IMMP2L: variants seen among roughly 807,000 people sequenced by gnomAD.
The protein encoded by IMMP2L is mitochondrial inner membrane protease subunit 2.
A neutral mutation model predicts 19.3 loss-of-function variants in IMMP2L; 18 were observed. That is an observed-to-expected ratio of 0.93 (90% CI 0.64 to 1.38). The LOEUF is 1.38. Ranked by LOEUF, IMMP2L falls within the 40% of genes most tolerant of loss-of-function variation. IMMP2L has a pLI of 0.00. For missense variants in IMMP2L, 233 were observed against 218.2 expected (o/e 1.07, Z -0.43); for synonymous variants, 76 against 73.0 (o/e 1.04, Z -0.21).
At chr7:110,822,028 C>G (rs1190721183) in intron 5 of IMMP2L, among the ~76,000 whole-genome samples, 5 of 152,084 alleles carry the variant, frequency 3.3e-5, no homozygotes, top group South Asian at 2.1e-4. Context: ...ATGTTTAGCA[C>G]TCTCCAATCT....
At chr7:111,186,905 C>A (rs1050292927) in intron 3 of IMMP2L, among the ~76,000 whole-genome samples, 7 of 151,886 alleles carry the variant, frequency 4.6e-5, no homozygotes, top group Admixed American at 4.6e-4. Context: ...TGTTTCCCTA[C>A]AATTTTCTGT....
intron 3 of IMMP2L, among the ~76,000 whole-genome samples, chr7:111,098,503 A>C (rs1171544986): frequency 6.6e-6 from 1 of 151,850 alleles, no homozygotes; most frequent in Non-Finnish European, 1.5e-5. Context: ...ATGTTCTGAC[A>C]TAAATTAATG....
intron 1 of IMMP2L, among the ~76,000 whole-genome samples, chr7:111,543,554 T>C (rs2613588): frequency 0.19 from 28,490 of 152,024 alleles, 3,797 homozygotes; most frequent in African/African-American, 0.37. Flanking sequence ...GAATCCTCAG[T>C]CAAAAATACT....
intron 1 of IMMP2L, among the ~76,000 whole-genome samples, chr7:111,550,582 C>T (rs1318840790): frequency 6.6e-6 from 1 of 152,162 alleles, no homozygotes; most frequent in South Asian, 2.1e-4. Context: ...TCTGTACCTT[C>T]CATTCAATTT....
rs893847564 is a variant in IMMP2L, at chr7:110,727,340, G to A, written c.409-63619C>T. On this transcript the variant is annotated intron_variant, in intron 5 of 5. Transcript: ENST00000405709. The surrounding 1 kb of genome is among the most constrained non-coding windows in gnomAD (Gnocchi z 4.3). ...CAGGAGGTGGAAGTTGCAGTGAGCC[G>A]AGACTCTGCCACAGCACTCCAGCCT... Among the ~76,000 whole-genome samples, 8 of 152,068 alleles carry A rather than the reference G, an allele frequency of 5.3e-5. No individual in the cohort carries two copies. Among genetic ancestry groups the A allele is most frequent in the Non-Finnish European group, 7.4e-5 (5 of 68,014 alleles).
At chr7:110,881,211 G>C (rs904320977) in intron 5 of IMMP2L, among the ~76,000 whole-genome samples, 1 of 152,012 alleles carries the variant, frequency 6.6e-6, no homozygotes, top group African/African-American at 2.4e-5. Flanking sequence ...TTGAGACTTA[G>C]TTATCTTTGG....
intron 3 of IMMP2L, among the ~76,000 whole-genome samples, chr7:111,277,620 G>C (rs990989649): frequency 6.7e-6 from 1 of 148,966 alleles, no homozygotes; most frequent in Non-Finnish European, 1.5e-5. Context: ...AGATGCAGCA[G>C]AAAAGGGAAC....
chr7:111,250,502 C>G (rs1815977504), intron 3 of IMMP2L, among the ~76,000 whole-genome samples: 1 of 151,948 alleles, frequency 6.6e-6, no homozygotes, highest in East Asian at 1.9e-4. Context: ...TGACTTCAAA[C>G]TATACAAGGC....
intron 3 of IMMP2L, among the ~76,000 whole-genome samples, chr7:111,259,736 T>C (rs1031457427): frequency 2.0e-5 from 3 of 151,658 alleles, no homozygotes; most frequent in Admixed American, 6.6e-5. Context: ...TTGACTTTTG[T>C]AATAACACAG....
chr7:111,497,454 T>A (rs1454764191), intron 2 of IMMP2L, among the ~76,000 whole-genome samples: 1 of 152,134 alleles, frequency 6.6e-6, no homozygotes, highest in African/African-American at 2.4e-5. Flanking sequence ...GGTTTAGCAA[T>A]GGTTAAACTT....
chr7:111,544,878 T>C (rs1585622066), intron 1 of IMMP2L, among the ~76,000 whole-genome samples: 1 of 148,698 alleles, frequency 6.7e-6, no homozygotes, highest in African/African-American at 2.5e-5. Flanking sequence ...AGGCAGAAAA[T>C]TAAAGGATCC....
chr7:111,099,200 T>C (rs2129579580), intron 3 of IMMP2L, among the ~76,000 whole-genome samples: 1 of 151,760 alleles, frequency 6.6e-6, no homozygotes, highest in East Asian at 1.9e-4. Flanking sequence ...AAAAGAAAAA[T>C]GCAAAACTTA....
At chr7:111,203,106 G>T (rs759114964) in intron 3 of IMMP2L, among the ~76,000 whole-genome samples, 6 of 152,166 alleles carry the variant, frequency 3.9e-5, no homozygotes, top group Non-Finnish European at 7.3e-5. Flanking sequence ...GTAAAAAGAA[G>T]AAGGGTGATA....
intron 4 of IMMP2L, among the ~76,000 whole-genome samples, chr7:110,939,388 C>A (rs1240260221): frequency 0.012 from 1,555 of 125,014 alleles, no homozygotes; most frequent in Non-Finnish European, 0.016. Context: ...TGCAAAATTG[C>A]AAAAAAAAAA....
chr7:111,001,702 G>T (rs899813180), intron 3 of IMMP2L, among the ~76,000 whole-genome samples: 2 of 152,142 alleles, frequency 1.3e-5, no homozygotes, highest in Admixed American at 1.3e-4. Flanking sequence ...GTCAGGCAAA[G>T]TTCAAACACA....
chr7:111,204,663 A>G (rs1339601884), intron 3 of IMMP2L, among the ~76,000 whole-genome samples: 1 of 152,182 alleles, frequency 6.6e-6, no homozygotes, highest in Non-Finnish European at 1.5e-5. Flanking sequence ...GTACTTTCAC[A>G]TTTAAATAAC....
chr7:110,917,581 C>T (rs1036285373), intron 4 of IMMP2L, among the ~76,000 whole-genome samples: 1 of 152,082 alleles, frequency 6.6e-6, no homozygotes, highest in Non-Finnish European at 1.5e-5. Context: ...CCAGTCCATG[C>T]TCCTCCAGCA....
At chr7:111,319,810 C>A (rs1164216999) in intron 3 of IMMP2L, among the ~76,000 whole-genome samples, 1 of 151,894 alleles carries the variant, frequency 6.6e-6, no homozygotes, top group Non-Finnish European at 1.5e-5. Flanking sequence ...ACCTTCAGGG[C>A]CCATTTCCAG....
At chr7:110,673,372 G>A (rs1792057606) in intron 5 of IMMP2L, among the ~76,000 whole-genome samples, 1 of 152,202 alleles carries the variant, frequency 6.6e-6, no homozygotes, top group African/African-American at 2.4e-5. Context: ...TAGGCCTCCA[G>A]GCCTGTGATG....
Sources: gnomAD v4.1 joint callset for allele counts (sites outside exome capture counted in the v4.1 genomes callset) on GRCh38, gnomAD v4.1.1 for gene constraint, Gnocchi (gnomAD v3.1) non-coding constraint, MANE v1.5 for transcripts, NCBI Gene and HGNC (gene_info 2026-07-23, HGNC 2026-07-21) for gene names.